The following ZNF107 variants were observed in gnomAD, a reference collection of about 807,000 sequenced individuals.
ZNF107 encodes C2H2 type zinc-finger protein.
ZNF107 carries 19 observed loss-of-function variants against 12.3 expected under a neutral mutation model. The observed-to-expected ratio is 1.55, with a 90% CI of 1.08 to 2.27. The LOEUF is 2.27. Ranked by LOEUF, ZNF107 falls within the 30% of genes most tolerant of loss-of-function variation. ZNF107 has a pLI of 0.00. For synonymous variants in ZNF107, 317 were observed against 330.5 expected (o/e 0.96, Z 0.44); for missense variants, 958 against 979.9 (o/e 0.98, Z 0.30).
chr7:64,709,635 C>G lies in ZNF107; in HGVS notation c.*979C>G, dbSNP rs2128970303. The G allele has an allele frequency of 2.3e-6, 1 of 443,632 alleles. No individual in the cohort carries two copies. Among genetic ancestry groups the G allele is most frequent in the Admixed American group, 2.6e-5 (1 of 38,338 alleles). The allele number at this position is 443,632 out of a possible 1,614,324, so 27.5% of individuals were successfully genotyped here. On this transcript the variant is annotated 3_prime_UTR_variant, in exon 4 of 4. Coordinates refer to ENST00000620827, the MANE Select transcript of ZNF107 (RefSeq NM_001282359.2). ...CCTGGAAGTGTAAAAAATGTGGCAA[C>G]ACTTTTAATAAATGCTCACCCCTTA...
chr7:64,688,484 A>G (rs1427271762), intron 1 of ZNF107, among the ~76,000 whole-genome samples: 1 of 151,700 alleles, frequency 6.6e-6, no homozygotes, highest in Non-Finnish European at 1.5e-5. Context: ...TCTCAAACTC[A>G]TGACCTCAGG....
chr7:64,680,960 G>A (rs1380197091), intron 1 of ZNF107, among the ~76,000 whole-genome samples: 1 of 152,162 alleles, frequency 6.6e-6, no homozygotes, highest in African/African-American at 2.4e-5. Context: ...TGCTTCAAGT[G>A]CCATAAAAAT....
At chr7:64,674,920 A>T (rs1052077983) in intron 1 of ZNF107, among the ~76,000 whole-genome samples, 1 of 152,188 alleles carries the variant, frequency 6.6e-6, no homozygotes, top group African/African-American at 2.4e-5. Flanking sequence ...TGATTTGTGT[A>T]TGTTGAACCA....
At chr7:64,694,437 AC>A (rs1230444877) in intron 3 of ZNF107, among the ~76,000 whole-genome samples, 1 of 152,212 alleles carries the variant, frequency 6.6e-6, no homozygotes, top group Non-Finnish European at 1.5e-5. Context: ...GCAGAGTTTC[AC>A]AACTCCCTTC....
At chr7:64,688,523 G>A (rs755865449) in intron 1 of ZNF107, among the ~76,000 whole-genome samples, 41 of 152,008 alleles carry the variant, frequency 2.7e-4, no homozygotes, top group Non-Finnish European at 5.0e-4. Context: ...CTCCCAAAGT[G>A]CTGGTGTTAC....
chr7:64,682,272 G>A (rs1169549449), intron 1 of ZNF107, among the ~76,000 whole-genome samples: 13 of 151,626 alleles, frequency 8.6e-5, no homozygotes, highest in African/African-American at 1.5e-4. Context: ...CAGCACACCC[G>A]CACTCCCCCC....
chr7:64,681,635 C>G (rs1021811501), intron 1 of ZNF107, among the ~76,000 whole-genome samples: 1 of 152,050 alleles, frequency 6.6e-6, no homozygotes, highest in Non-Finnish European at 1.5e-5. Context: ...AAGGCCAAAC[C>G]ATCCTTACCC....
At chr7:64,676,270 T>G (rs1164200943) in intron 1 of ZNF107, among the ~76,000 whole-genome samples, 1 of 152,230 alleles carries the variant, frequency 6.6e-6, no homozygotes, top group Non-Finnish European at 1.5e-5. Context: ...ATGTTTGAAT[T>G]TGCTGAGAAT....
chr7:64,698,518 G>T (rs1329374293), intron 3 of ZNF107, among the ~76,000 whole-genome samples: 4 of 151,858 alleles, frequency 2.6e-5, no homozygotes, highest in Non-Finnish European at 2.9e-5. Context: ...TGCCTCCCAG[G>T]TTCAAGCATT....
At chr7:64,683,075 C>G (rs1213768013) in intron 1 of ZNF107, among the ~76,000 whole-genome samples, 2 of 152,218 alleles carry the variant, frequency 1.3e-5, no homozygotes, top group Non-Finnish European at 2.9e-5. Context: ...TCCCACACAT[C>G]TGTTATCGAG....
intron 1 of ZNF107, among the ~76,000 whole-genome samples, chr7:64,677,608 C>G (rs774489400): frequency 6.6e-6 from 1 of 151,222 alleles, no homozygotes. Flanking sequence ...AATCCCAGCA[C>G]TTTGGGAGGC....
intron 3 of ZNF107, 90 bp from the exon 4 acceptor site, chr7:64,706,234 T>G: frequency 1.6e-6 from 2 of 1,236,472 alleles, no homozygotes; most frequent in Non-Finnish European, 2.2e-6. Flanking sequence ...ATCTGGCTTA[T>G]GTAGTTTGTA....
At chr7:64,688,148 C>T (rs868822075) in intron 1 of ZNF107, among the ~76,000 whole-genome samples, 3 of 152,102 alleles carry the variant, frequency 2.0e-5, no homozygotes, top group Non-Finnish European at 4.4e-5. Flanking sequence ...TTCAATGACT[C>T]TTGTATCTTT....
intron 3 of ZNF107, 122 bp from the exon 4 acceptor site, chr7:64,706,202 G>A (rs1790634852): frequency 2.3e-6 from 2 of 887,336 alleles, no homozygotes; most frequent in African/African-American, 3.5e-5. Context: ...AGAAATTAGA[G>A]CCTGTGGTAT....
intron 3 of ZNF107, among the ~76,000 whole-genome samples, chr7:64,700,630 C>T (rs534230456): frequency 1.0e-3 from 143 of 143,398 alleles, no homozygotes; most frequent in African/African-American, 3.3e-3. Flanking sequence ...ACCTCAGCCT[C>T]CTGGGTTCAA....
intron 3 of ZNF107, among the ~76,000 whole-genome samples, chr7:64,697,014 G>A (rs1400444899): frequency 1.4e-5 from 2 of 147,622 alleles, no homozygotes; most frequent in African/African-American, 2.5e-5. Context: ...TCCCCTTCCT[G>A]TGTCCAAGTG....
chr7:64,675,455 T>C (rs1789382944), intron 1 of ZNF107, among the ~76,000 whole-genome samples: 1 of 152,186 alleles, frequency 6.6e-6, no homozygotes. Flanking sequence ...ATGCTTCTTT[T>C]GTCATTTCTA....
intron 3 of ZNF107, among the ~76,000 whole-genome samples, chr7:64,694,846 T>C (rs189643087): frequency 4.6e-4 from 70 of 152,336 alleles, no homozygotes; most frequent in Non-Finnish European, 3.1e-4. Flanking sequence ...TTTAGGGCAA[T>C]GTACTAGAAT....
intron 1 of ZNF107, among the ~76,000 whole-genome samples, chr7:64,669,438 C>T (rs919671249): frequency 1.3e-5 from 2 of 152,100 alleles, no homozygotes; most frequent in African/African-American, 2.4e-5. Context: ...ATACATTTAT[C>T]GTCTGAAAGA....
Sources: gnomAD v4.1 joint callset for allele counts (sites outside exome capture counted in the v4.1 genomes callset) on GRCh38, gnomAD v4.1.1 for gene constraint, MANE v1.5 for transcripts, NCBI Gene and HGNC (gene_info 2026-07-23, HGNC 2026-07-21) for gene names.